The following PLPPR1 variants were observed in gnomAD, a reference collection of about 807,000 sequenced individuals.
PLPPR1 encodes phospholipid phosphatase-related protein type 1.
A neutral mutation model predicts 33.1 loss-of-function variants in PLPPR1; 10 were observed. The ratio of observed to expected loss-of-function variants is 0.30; its 90% CI spans 0.19 to 0.51. The LOEUF is 0.51. Among genes scored for constraint, PLPPR1 ranks in the 20% least tolerant of loss-of-function variants. The probability of loss-of-function intolerance (pLI) is 0.97; values close to 1 mark genes in which losing one functional copy is unlikely to be tolerated. For synonymous variants in PLPPR1, 151 were observed against 151.0 expected (o/e 1.00, Z 0.00); for missense variants, 304 against 408.1 (o/e 0.74, Z 2.20).
At chr9:101,047,475 G>A (rs1830167640) in intron 1 of PLPPR1, among the ~76,000 whole-genome samples, 2 of 152,146 alleles carry the variant, frequency 1.3e-5, no homozygotes, top group Admixed American at 1.3e-4. Flanking sequence ...GCCAGTTTGT[G>A]GATATTTGTC....
At chr9:101,244,572 T>C (rs561568959) in intron 2 of PLPPR1, among the ~76,000 whole-genome samples, 1 of 66,686 alleles carries the variant, frequency 1.5e-5, no homozygotes, top group South Asian at 1.1e-3. Flanking sequence ...TTTATCTCTA[T>C]GATTTAAAAA....
At chr9:101,035,509 C>T (rs746496581) in intron 1 of PLPPR1, among the ~76,000 whole-genome samples, 17 of 152,070 alleles carry the variant, frequency 1.1e-4, no homozygotes, top group Non-Finnish European at 1.9e-4. Flanking sequence ...TCTGGAATTC[C>T]GTCCTTGTCT....
At chr9:101,304,007 A>G (rs1156868333) in intron 4 of PLPPR1, among the ~76,000 whole-genome samples, 1 of 152,216 alleles carries the variant, frequency 6.6e-6, no homozygotes, top group African/African-American at 2.4e-5. Flanking sequence ...TTTGTTGTGT[A>G]TGACATAGAT....
At chr9:101,040,450 A>G (rs2118417232) in intron 1 of PLPPR1, among the ~76,000 whole-genome samples, 1 of 152,274 alleles carries the variant, frequency 6.6e-6, no homozygotes, top group East Asian at 1.9e-4. Flanking sequence ...CTTGGTGACT[A>G]TAATGGATAT....
intron 1 of PLPPR1, among the ~76,000 whole-genome samples, chr9:101,146,376 A>G (rs144724705): frequency 6.6e-6 from 1 of 152,328 alleles, no homozygotes; most frequent in Non-Finnish European, 1.5e-5. Context: ...GATACCTGAT[A>G]TTAAGCCTCC....
chr9:101,076,131 A>C (rs902764162), intron 1 of PLPPR1, among the ~76,000 whole-genome samples: 7 of 152,014 alleles, frequency 4.6e-5, no homozygotes, highest in South Asian at 2.1e-4. Context: ...GAGTAATGCA[A>C]ATTCTCCAGG....
At chr9:101,261,237 A>G (rs1291933019) in intron 2 of PLPPR1, among the ~76,000 whole-genome samples, 1 of 152,200 alleles carries the variant, frequency 6.6e-6, no homozygotes, top group East Asian at 1.9e-4. Flanking sequence ...GCAATCAGTA[A>G]GAGTCATTAT....
rs113376363 is a variant in PLPPR1, at chr9:101,291,151, C to A, written c.385+4915C>A. On this transcript the variant is annotated intron_variant, in intron 4 of 7. Transcript: ENST00000374874. ...AGGAGATTATATCCCTCACATGGCT[C>A]GGAGGGTCCTACGCCCATGGAGTCT... Among the ~76,000 whole-genome samples the A allele has an allele frequency of 3.8e-4, 58 of 152,348 alleles. No individual in the cohort carries two copies. The East Asian group carries it at 8.5e-3, about 22-fold the overall frequency.
intron 5 of PLPPR1, among the ~76,000 whole-genome samples, chr9:101,311,924 C>G (rs557886651): frequency 1.3e-5 from 2 of 152,148 alleles, no homozygotes; most frequent in African/African-American, 2.4e-5. Flanking sequence ...AGTGTACTTA[C>G]ATGAAAAAGG....
chr9:101,178,633 C>T (rs1315377053), intron 1 of PLPPR1, among the ~76,000 whole-genome samples: 1 of 152,170 alleles, frequency 6.6e-6, no homozygotes, highest in African/African-American at 2.4e-5. Flanking sequence ...TGTACCCTAT[C>T]ATCCTGAAGC....
chr9:101,308,765 T>C (rs1004015534), intron 4 of PLPPR1, among the ~76,000 whole-genome samples: 5 of 152,154 alleles, frequency 3.3e-5, no homozygotes, highest in African/African-American at 1.2e-4. Context: ...GTATTTCGTA[T>C]AGAAGGAGAG....
rs189074893 is a variant in PLPPR1, at chr9:101,211,892, T to C, written c.63+26335T>C. Among the ~76,000 whole-genome samples the C allele has an allele frequency of 2.0e-3, 308 of 152,336 alleles. 1 individual carries two copies. The highest frequency in any genetic ancestry group is 3.9e-3 in the Non-Finnish European group (263 of 68,030). Reference sequence around the variant, plus strand: ...CCTTGTAACAAGCCTATGAAATGGATATTATTACCACCTCCACTTTACATA... The same window carrying C: ...CCTTGTAACAAGCCTATGAAATGGACATTATTACCACCTCCACTTTACATA... On this transcript the variant is annotated intron_variant, in intron 2 of 7. Transcript: ENST00000374874.
Position 101,163,791 on chromosome 9 carries a change from T to TG in PLPPR1, c.-45-21652dup, listed in dbSNP as rs539674147. 1.5e-3 allele frequency among the ~76,000 whole-genome samples: 235 copies of TG among 152,192 alleles called. 1 individual carries two copies. The highest frequency in any genetic ancestry group is 5.1e-3 in the African/African-American group (212 of 41,526). ...GGTCAGTTAGCAGATGTAAATCTTT[T>TG]GGGGGGGCTAATTTATGTTAACCAT... On this transcript the variant is annotated intron_variant, in intron 1 of 7. Transcript: ENST00000374874.
At chr9:101,267,653 G>T (rs551243997) in intron 2 of PLPPR1, among the ~76,000 whole-genome samples, 4 of 152,334 alleles carry the variant, frequency 2.6e-5, no homozygotes, top group African/African-American at 9.6e-5. Context: ...TAAAAGGAAA[G>T]GTAGCAATGG....
At chr9:101,071,067 A>G (rs1220842320) in intron 1 of PLPPR1, among the ~76,000 whole-genome samples, 1 of 152,170 alleles carries the variant, frequency 6.6e-6, no homozygotes, top group African/African-American at 2.4e-5. Flanking sequence ...GGCTGTGTGT[A>G]TCTAGTGGAC....
At chr9:101,161,591 T>C (rs1308614594) in intron 1 of PLPPR1, among the ~76,000 whole-genome samples, 1 of 152,092 alleles carries the variant, frequency 6.6e-6, no homozygotes, top group African/African-American at 2.4e-5. Context: ...GCCTGCCTTA[T>C]AAGATTATTA....
intron 1 of PLPPR1, among the ~76,000 whole-genome samples, chr9:101,106,264 C>T (rs1830968298): frequency 7.1e-6 from 1 of 140,706 alleles, no homozygotes; most frequent in African/African-American, 2.8e-5. Flanking sequence ...TACATTTTGG[C>T]ATGATTTTGC....
chr9:101,162,998 G>T (rs1825789432), intron 1 of PLPPR1, among the ~76,000 whole-genome samples: 1 of 152,004 alleles, frequency 6.6e-6, no homozygotes, highest in South Asian at 2.1e-4. Flanking sequence ...ACTGCCTTGT[G>T]GTTTCTCTGT....
chr9:101,114,967 A>G (rs1485848035), intron 1 of PLPPR1, among the ~76,000 whole-genome samples: 1 of 152,064 alleles, frequency 6.6e-6, no homozygotes, highest in Non-Finnish European at 1.5e-5. Context: ...TCTCCTTTTT[A>G]TTTTGTTATC....
Sources: gnomAD v4.1 joint callset for allele counts (sites outside exome capture counted in the v4.1 genomes callset) on GRCh38, gnomAD v4.1.1 for gene constraint, MANE v1.5 for transcripts, NCBI Gene and HGNC (gene_info 2026-07-23, HGNC 2026-07-21) for gene names.